ENPP7: variants seen among roughly 807,000 people sequenced by gnomAD.
ENPP7 encodes ectonucleotide pyrophosphatase/phosphodiesterase 7, also known as ectonucleotide pyrophosphatase/phosphodiesterase family member 7.
Under a neutral mutation model 33.6 loss-of-function variants are expected in ENPP7, and 39 were observed. The ratio of observed to expected loss-of-function variants is 1.16; its 90% confidence interval spans 0.90 to 1.52. The LOEUF (loss-of-function observed/expected upper bound fraction) is 1.52. Among genes scored for constraint, ENPP7 ranks in the 40% most tolerant of loss-of-function variants. ENPP7 has a pLI of 0.00. For synonymous variants in ENPP7, 244 were observed against 274.3 expected (o/e 0.89, Z 1.09); for missense variants, 594 against 641.0 (o/e 0.93, Z 0.79).
chr17:79,735,163 G>C lies in ENPP7; in HGVS notation c.520G>C (p.Ala174Pro). The C allele has an allele frequency of 6.2e-7, 1 of 1,613,258 alleles. No homozygotes were observed. The highest frequency in any genetic ancestry group is 8.5e-7 in the Non-Finnish European group (1 of 1,180,022). ...HNYKNETEWR[A>P]NIDTVMAWFT... The stretch of plus-strand genomic sequence containing the variant: ...CTACAAAAATGAGACGGAGTGGAGA[G>C]CGAACATCGACACAGTGATGGCGTG... The change falls in exon 3 of 6, where the codon GCG becomes CCG. Residue 174 changes from alanine to proline, a missense_variant. By Grantham distance (27) the Ala-to-Pro change is conservative (BLOSUM62 -1). Transcript: ENST00000328313. The surrounding 1 kb of genome is among the most constrained non-coding windows in gnomAD (Gnocchi z 5.5).
intron 5 of ENPP7, among the ~76,000 whole-genome samples, chr17:79,740,456 C>G (rs190119997): frequency 0.011 from 1,621 of 152,234 alleles, 33 homozygotes; most frequent in African/African-American, 0.037. Flanking sequence ...TACTTTCAGC[C>G]ACAACGCCTG....
In ENPP7 at chr17:79,738,110, G is replaced by A; in HGVS notation, c.*16+48G>A. 6.3e-7 allele frequency: 1 copy of A among 1,578,112 alleles called. No individual in the cohort carries two copies. The highest frequency in any genetic ancestry group is 1.1e-5 in the South Asian group (1 of 89,976). Reference sequence around the variant, plus strand: ...GCGGGAGGGTGGCCCCACGCTCCCTGACCCTCCACCCTGATGTCCCAGCTA... The same window carrying A: ...GCGGGAGGGTGGCCCCACGCTCCCTAACCCTCCACCCTGATGTCCCAGCTA... On this transcript the variant is annotated intron_variant, in intron 5 of 5. Coordinates refer to ENST00000328313, the MANE Select transcript of ENPP7 (RefSeq NM_178543.5). This position sits in a 1 kb window ranked among gnomAD's most constrained non-coding sequence, Gnocchi z 6.2.
At chr17:79,732,405 C>A (rs922965212) in intron 1 of ENPP7, among the ~76,000 whole-genome samples, 3 of 152,050 alleles carry the variant, frequency 2.0e-5, no homozygotes, top group Non-Finnish European at 4.4e-5. Flanking sequence ...TCCAAAGACC[C>A]TGCGTGGGTG....
intron 1 of ENPP7, 145 bp from the exon 2 acceptor site, chr17:79,733,363 C>G (rs2094289680): frequency 2.6e-6 from 2 of 774,964 alleles, no homozygotes; most frequent in Middle Eastern, 3.8e-4. Flanking sequence ...GAAGTCTGCT[C>G]CCCCCAGCCC....
intron 5 of ENPP7, among the ~76,000 whole-genome samples, chr17:79,740,827 G>A (rs1350501759): frequency 6.6e-6 from 1 of 152,100 alleles, no homozygotes; most frequent in Non-Finnish European, 1.5e-5. Context: ...TGAGGTCACC[G>A]AACACAAAGT....
Position 79,731,293 on chromosome 17 carries a change from C to T in ENPP7, c.154C>T (p.Pro52Ser), listed in dbSNP as rs1440585277. The T allele has an allele frequency of 8.1e-6, 13 of 1,613,860 alleles. No homozygotes were observed. The highest frequency in any genetic ancestry group is 1.1e-5 in the Non-Finnish European group (13 of 1,179,974). ...RWNYDQDVDT[P>S]NLDAMARDGV... ...GAACTACGACCAGGACGTGGACACC[C>T]CCAACCTGGACGCCATGGCCCGAGA... Residue 52 changes from proline to serine, a missense_variant, in exon 1 of 6, where the codon CCC becomes TCC. Physicochemically the swap from Pro to Ser is moderately conservative, Grantham distance 74. Coordinates refer to ENST00000328313, the MANE Select transcript of ENPP7 (RefSeq NM_178543.5).
chr17:79,733,456 T>C (rs1042074871), intron 1 of ENPP7, 52 bp from the exon 2 acceptor site: 125 of 1,585,348 alleles, frequency 7.9e-5, no homozygotes, highest in Middle Eastern at 1.7e-4. Flanking sequence ...GGTCCGGCCT[T>C]CGCTGTGACC....
rs782392707 is a variant in ENPP7 at position 79,737,164 on chromosome 17, A to G, written c.1150A>G (p.Ser384Gly). Residue 384 changes from serine (S) to glycine (G), a missense_variant, in exon 4 of 6, where the codon AGC (serine) becomes GGC (glycine). Ser to Gly is a moderately conservative substitution (Grantham distance 56, BLOSUM62 0). This residue lies in a region of ENPP7 where 504 missense variants were observed against 512.8 expected (regional missense o/e 0.98). Transcript: ENST00000328313. This position sits in a 1 kb window ranked among gnomAD's most constrained non-coding sequence, Gnocchi z 5.5. Reference sequence around the variant, plus strand: ...GGGCCTGGAGGTGGAGCCCTTTGAGAGCGTCCACGTGTACGAGCTCATGTG... The same window carrying G: ...GGGCCTGGAGGTGGAGCCCTTTGAGGGCGTCCACGTGTACGAGCTCATGTG... The part of the protein sequence containing the change: ...RAGLEVEPFE[S>G]VHVYELMCRL... 8 of 1,613,578 alleles carry G rather than the reference A, an allele frequency of 5.0e-6. No individual in the cohort carries two copies. The Admixed American group carries it at 1.0e-4, about 20-fold the overall frequency.
Position 79,731,206 on chromosome 17 carries a change from C to T in ENPP7, c.67C>T (p.Pro23Ser). The T allele has an allele frequency of 6.2e-7, 1 of 1,612,270 alleles. No homozygotes were observed. ...GCTCCTGGCTCCCGGGGCCGGAGCA[C>T]CGGTACAAAGTCAGGGCTCCCAGAA... Reference protein sequence around the residue: ...ATLLAPGAGAPVQSQGSQNKL... With the variant: ...ATLLAPGAGASVQSQGSQNKL... The change falls in exon 1 of 6, where the codon CCG becomes TCG. Residue 23 changes from proline (P) to serine (S), a missense_variant. Coordinates refer to ENST00000328313, the MANE Select transcript of ENPP7 (RefSeq NM_178543.5).
intron 5 of ENPP7, among the ~76,000 whole-genome samples, chr17:79,740,034 A>AT (rs1235619801): frequency 1.3e-5 from 2 of 151,650 alleles, no homozygotes; most frequent in African/African-American, 4.8e-5. Context: ...TCTGTAGGAA[A>AT]TTTTTTTTTA....
In ENPP7 at chr17:79,737,798, G is replaced by T. The variant is rs2094298631; in HGVS notation, c.1247-118G>T. The T allele has an allele frequency of 1.8e-6, 2 of 1,099,918 alleles. No individual in the cohort carries two copies. Among genetic ancestry groups the T allele is most frequent in the Non-Finnish European group, 2.7e-6 (2 of 742,400 alleles). 68.1% of individuals were successfully genotyped at this position (1,099,918 alleles called of 1,614,324 possible). On this transcript the variant is annotated intron_variant, in intron 4 of 5. Transcript: ENST00000328313. This position sits in a 1 kb window ranked among gnomAD's most constrained non-coding sequence, Gnocchi z 5.5. ...GGACAAAGGCCATGGGACCAAGGGGGCGGTGAAAGAGGAAGGAGGGGCTCG... is the reference window on the plus strand; with the variant it reads ...GGACAAAGGCCATGGGACCAAGGGGTCGGTGAAAGAGGAAGGAGGGGCTCG...
intron 2 of ENPP7, among the ~76,000 whole-genome samples, chr17:79,734,228 C>A (rs1367105048): frequency 7.5e-6 from 1 of 133,546 alleles, no homozygotes; most frequent in Non-Finnish European, 1.6e-5. Flanking sequence ...GTGGAGGTTT[C>A]CAAGATGACG....
At chr17:79,732,425 G>A (rs1262674559) in intron 1 of ENPP7, among the ~76,000 whole-genome samples, 14 of 151,960 alleles carry the variant, frequency 9.2e-5, no homozygotes, top group Admixed American at 7.9e-4. Context: ...GTCCCAGGGC[G>A]CCTGCAACAA....
rs1490150410 is a variant in ENPP7 at position 79,737,333 on chromosome 17, C to T, written c.1246+73C>T. 2 of 1,323,520 alleles carry T rather than the reference C, an allele frequency of 1.5e-6. No individual in the cohort carries two copies. Among genetic ancestry groups the T allele is most frequent in the Non-Finnish European group, 2.1e-6 (2 of 957,790 alleles). The allele number at this position is 1,323,520 out of a possible 1,614,324, so 82.0% of individuals were successfully genotyped here. A position where few individuals can be genotyped will look rare whatever the true frequency, so the allele number is the denominator to read the frequency against. Reference sequence around the variant, plus strand: ...TGTGCACACGAGGGTGCCTGCATGCCTGTGACCAGGACACCCTTGAGCCCC... The same window carrying T: ...TGTGCACACGAGGGTGCCTGCATGCTTGTGACCAGGACACCCTTGAGCCCC... On this transcript the variant is annotated intron_variant, in intron 4 of 5. Coordinates refer to ENST00000328313, the MANE Select transcript of ENPP7 (RefSeq NM_178543.5). The surrounding 1 kb of genome is among the most constrained non-coding windows in gnomAD (Gnocchi z 5.5).
chr17:79,740,525 G>A (rs1306992437), intron 5 of ENPP7, among the ~76,000 whole-genome samples: 3 of 152,216 alleles, frequency 2.0e-5, no homozygotes, highest in Non-Finnish European at 4.4e-5. Flanking sequence ...AGGCAGGGAA[G>A]TGATAAGGTT....
rs191709691 is a variant in ENPP7 at position 79,731,488 on chromosome 17, T to C, written c.253+96T>C. ...GTGCAGGATAAAGGGGAGAGGTCCT[T>C]GCTCCAGGCACAGGACAGAGCCAAG... On this transcript the variant is annotated intron_variant, in intron 1 of 5. Coordinates refer to ENST00000328313, the MANE Select transcript of ENPP7 (RefSeq NM_178543.5). 465 of 1,420,204 alleles carry C rather than the reference T, an allele frequency of 3.3e-4. 7 individuals carry two copies. The East Asian group carries it at 9.5e-3, about 29-fold the overall frequency. The allele number at this position is 1,420,204 out of a possible 1,614,324, so 88.0% of individuals were successfully genotyped here.
intron 1 of ENPP7, among the ~76,000 whole-genome samples, chr17:79,732,121 C>CATATATACACATATATATATATAT (rs2094286802): frequency 8.2e-5 from 4 of 48,788 alleles, no homozygotes; most frequent in Non-Finnish European, 7.8e-5. Context: ...TATATATATA[C>CATATATACACATATATATATATAT]ATATATATAT....
At chr17:79,732,719 C>T (rs1160624964) in intron 1 of ENPP7, among the ~76,000 whole-genome samples, 1 of 152,196 alleles carries the variant, frequency 6.6e-6, no homozygotes, top group Non-Finnish European at 1.5e-5. Context: ...CGCTGAATTT[C>T]GGGTCCACAC....
In ENPP7 at chr17:79,735,556, C is replaced by T; in HGVS notation, c.913C>T (p.Pro305Ser). 1 of 1,613,588 alleles carries T rather than the reference C, an allele frequency of 6.2e-7. No homozygotes were observed. The highest frequency in any genetic ancestry group is 1.3e-5 in the African/African-American group (1 of 75,004). ...GTACGATGCCCTCAAGGACGCCCACCCCAAGCTCCACGTCTACAAGAAGGA... is the reference window on the plus strand; with the variant it reads ...GTACGATGCCCTCAAGGACGCCCACTCCAAGCTCCACGTCTACAAGAAGGA... ...KVYDALKDAH[P>S]KLHVYKKEAF... Residue 305 changes from proline to serine, a missense_variant, in exon 3 of 6, where the codon CCC (proline) becomes TCC (serine). This residue lies in a region of ENPP7 where 504 missense variants were observed against 512.8 expected (regional missense o/e 0.98). Coordinates refer to ENST00000328313, the MANE Select transcript of ENPP7 (RefSeq NM_178543.5). This position sits in a 1 kb window ranked among gnomAD's most constrained non-coding sequence, Gnocchi z 5.5.
Sources: gnomAD v4.1 joint callset for allele counts (sites outside exome capture counted in the v4.1 genomes callset) on GRCh38, gnomAD v4.1.1 for gene constraint, gnomAD v4.1.1 regional missense constraint, Gnocchi (gnomAD v3.1) non-coding constraint, MANE v1.5 for transcripts, NCBI Gene and HGNC (gene_info 2026-07-23, HGNC 2026-07-21) for gene names.